MACROD1: variants seen among roughly 807,000 people sequenced by gnomAD.
MACROD1 encodes the protein ADP-ribose glycohydrolase MACROD1.
A neutral mutation model predicts 41.4 loss-of-function variants in MACROD1; 31 were observed. The observed-to-expected ratio is 0.75, with a 90% CI of 0.56 to 1.01. The LOEUF is 1.01. Among genes scored for constraint, MACROD1 ranks in the 50% least tolerant of loss-of-function variants. The probability of loss-of-function intolerance (pLI) is 0.00; values close to 1 mark genes in which losing one functional copy is unlikely to be tolerated. For missense variants in MACROD1, 473 were observed against 460.0 expected (o/e 1.03, Z -0.26); for synonymous variants, 252 against 203.4 (o/e 1.24, Z -2.03).
intron 1 of MACROD1, among the ~76,000 whole-genome samples, chr11:64,162,843 A>G (rs1230309998): frequency 8.8e-5 from 12 of 136,188 alleles, no homozygotes; most frequent in African/African-American, 3.3e-4. Flanking sequence ...AAAATTGGCC[A>G]GGCCCAGTGA....
intron 3 of MACROD1, among the ~76,000 whole-genome samples, chr11:64,148,104 G>A (rs1169976893): frequency 3.9e-5 from 6 of 152,166 alleles, no homozygotes; most frequent in Admixed American, 1.3e-4. Flanking sequence ...AGGGGAAAGA[G>A]TGAGGGGGGC....
At chr11:64,001,412 C>T in intron 4 of MACROD1, 1 of 702,360 alleles carries the variant, frequency 1.4e-6, no homozygotes, top group Middle Eastern at 2.3e-4. Flanking sequence ...GCCTGGTGCT[C>T]ACAGGCGGGC....
intron 3 of MACROD1, among the ~76,000 whole-genome samples, chr11:64,034,869 G>A (rs1943344175): frequency 6.6e-6 from 1 of 152,226 alleles, no homozygotes; most frequent in Non-Finnish European, 1.5e-5. Context: ...GTCTGACCAG[G>A]GCAGGCCAGG....
chr11:64,037,105 G>C (rs1943396647), intron 3 of MACROD1, among the ~76,000 whole-genome samples: 1 of 152,144 alleles, frequency 6.6e-6, no homozygotes, highest in South Asian at 2.1e-4. Context: ...GCCCAAGCCA[G>C]AGCTCTGATG....
intron 3 of MACROD1, among the ~76,000 whole-genome samples, chr11:64,100,729 C>T (rs934582795): frequency 5.9e-5 from 9 of 152,216 alleles, no homozygotes; most frequent in African/African-American, 2.2e-4. Context: ...CACTGCCAGC[C>T]AGACTCACTT....
chr11:64,100,909 A>G (rs1042697100), intron 3 of MACROD1, among the ~76,000 whole-genome samples: 8 of 152,110 alleles, frequency 5.3e-5, no homozygotes, highest in Non-Finnish European at 7.4e-5. Context: ...ACAAAGCTGG[A>G]CGGGCACCAA....
chr11:64,032,134 C>T (rs951176024), intron 3 of MACROD1, among the ~76,000 whole-genome samples: 10 of 152,214 alleles, frequency 6.6e-5, no homozygotes, highest in African/African-American at 2.2e-4. Context: ...GAGGAAGACC[C>T]TGTTCCTCCC....
intron 3 of MACROD1, among the ~76,000 whole-genome samples, chr11:64,046,180 T>A (rs1406053170): frequency 3.3e-5 from 5 of 152,190 alleles, no homozygotes; most frequent in Non-Finnish European, 7.3e-5. Flanking sequence ...TCTGGCCTCC[T>A]GAGCCTCTGT....
intron 3 of MACROD1, among the ~76,000 whole-genome samples, chr11:64,078,448 C>T (rs556734189): frequency 6.6e-6 from 1 of 152,308 alleles, no homozygotes; most frequent in East Asian, 1.9e-4. Flanking sequence ...AATCCAATTA[C>T]GCCAGGAAAC....
chr11:64,008,272 G>A (rs1194564593), intron 4 of MACROD1, among the ~76,000 whole-genome samples: 1 of 152,132 alleles, frequency 6.6e-6, no homozygotes, highest in East Asian at 1.9e-4. Context: ...AAAGAGGTGA[G>A]GGAGAGAGGC....
chr11:64,091,363 C>T (rs987846340), intron 3 of MACROD1, among the ~76,000 whole-genome samples: 4 of 152,000 alleles, frequency 2.6e-5, no homozygotes, highest in Admixed American at 2.0e-4. Context: ...CAATCTCATT[C>T]ATTCCTCTGG....
chr11:64,145,255 C>A (rs1415900221), intron 3 of MACROD1, among the ~76,000 whole-genome samples: 1 of 152,188 alleles, frequency 6.6e-6, no homozygotes. Flanking sequence ...CCACCCGTCC[C>A]CGCCGCACAC....
intron 3 of MACROD1, among the ~76,000 whole-genome samples, chr11:64,112,009 G>A (rs76098354): frequency 0.012 from 1,829 of 152,278 alleles, 59 homozygotes; most frequent in Admixed American, 0.07. Context: ...CTGCAGCCAC[G>A]CAGCCCTGGG....
chr11:64,152,387 A>G lies in MACROD1; in HGVS notation c.305T>C (p.Leu102Pro), dbSNP rs1404749191. The change falls in exon 2 of 11, where the codon CTG becomes CCG. Residue 102 changes from leucine (L) to proline (P), a missense_variant. Coordinates refer to ENST00000255681, the MANE Select transcript of MACROD1 (RefSeq NM_014067.4). ...STDWKEAKSFLKGLSDKQREE... is the reference protein window; with the variant it reads ...STDWKEAKSFPKGLSDKQREE... ...CCGCTGCTTGTCACTCAGGCCCTTC[A>G]GAAAGGCTGCAGAGGCAGGAAGGAG... is the stretch of plus-strand genomic sequence containing the variant. 1 of 1,614,096 alleles carries G rather than the reference A, an allele frequency of 6.2e-7. No homozygotes were observed. Among genetic ancestry groups the G allele is most frequent in the Non-Finnish European group, 8.5e-7 (1 of 1,179,878 alleles).
intron 3 of MACROD1, among the ~76,000 whole-genome samples, chr11:64,061,057 G>T (rs971444488): frequency 6.6e-6 from 1 of 152,168 alleles, no homozygotes; most frequent in Non-Finnish European, 1.5e-5. Flanking sequence ...GATGGAAAGG[G>T]CTTGGCGTCC....
intron 3 of MACROD1, chr11:64,118,103 G>A (rs1269501052): frequency 6.2e-7 from 1 of 1,611,558 alleles, no homozygotes; most frequent in Non-Finnish European, 8.5e-7. Context: ...ACTCCATCCT[G>A]GAAATCCGCG....
intron 3 of MACROD1, among the ~76,000 whole-genome samples, chr11:64,084,870 C>G (rs964631429): frequency 6.6e-6 from 1 of 152,238 alleles, no homozygotes; most frequent in African/African-American, 2.4e-5. Flanking sequence ...ACAGGACTCA[C>G]AGGGAGAGCT....
At chr11:64,076,447 T>TGGACGGATGGATGGAC (rs1818948899) in intron 3 of MACROD1, among the ~76,000 whole-genome samples, 1 of 150,060 alleles carries the variant, frequency 6.7e-6, no homozygotes, top group African/African-American at 2.5e-5. Flanking sequence ...GATGGATGGA[T>TGGACGGATGGATGGAC]GGACGGATGG....
intron 3 of MACROD1, among the ~76,000 whole-genome samples, chr11:64,084,421 G>A (rs558610068): frequency 5.3e-5 from 8 of 152,348 alleles, no homozygotes; most frequent in African/African-American, 9.6e-5. Context: ...TTCCCGCGAA[G>A]CCCCCTCCCT....
Sources: allele counts gnomAD v4.1 joint callset (sites outside exome capture counted in the v4.1 genomes callset), GRCh38; gene constraint gnomAD v4.1.1; transcripts MANE v1.5; gene names NCBI Gene and HGNC (gene_info 2026-07-23, HGNC 2026-07-21).